The following GPT2 variants were observed in gnomAD, a reference collection of about 807,000 sequenced individuals.
GPT2 encodes the protein alanine aminotransferase 2.
Under a neutral mutation model 56.9 loss-of-function variants are expected in GPT2, and 30 were observed. That is an observed-to-expected ratio of 0.53 (90% CI 0.39 to 0.72). The LOEUF (loss-of-function observed/expected upper bound fraction) is 0.72. Ranked by LOEUF, GPT2 falls within the 30% of genes least tolerant of loss-of-function variation. The pLI, the probability that GPT2 is intolerant of heterozygous loss-of-function variation, is 0.00. For synonymous variants in GPT2, 271 were observed against 283.1 expected (o/e 0.96, Z 0.43); for missense variants, 542 against 703.4 (o/e 0.77, Z 2.60).
chr16:46,910,464 A>G (rs1490975999), intron 6 of GPT2, among the ~76,000 whole-genome samples: 3 of 151,092 alleles, frequency 2.0e-5, no homozygotes, highest in Admixed American at 6.6e-5. Context: ...CTGAGGTGGA[A>G]GGATCGCTTG....
chr16:46,914,735 G>C (rs1961108786), intron 6 of GPT2, among the ~76,000 whole-genome samples: 1 of 152,162 alleles, frequency 6.6e-6, no homozygotes, highest in South Asian at 2.1e-4. Flanking sequence ...GGCAGACGAT[G>C]AGCGGGGAGA....
Position 46,909,719 on chromosome 16 carries a change from G to A in GPT2, c.612G>A (p.Lys204=). The A allele has an allele frequency of 6.2e-7, 1 of 1,614,156 alleles. No individual in the cohort carries two copies. Among genetic ancestry groups the A allele is most frequent in the South Asian group, 1.1e-5 (1 of 91,082 alleles). The change falls in exon 6 of 12, where the codon AAG becomes AAA. Residue 204 remains lysine, a synonymous_variant. Coordinates refer to ENST00000340124, the MANE Select transcript of GPT2 (RefSeq NM_133443.4). ...AGATCCTCGTCTCCGGGGGCGGCAAGTCACGGACAGGTGTGATGATCCCCA... is the reference window on the plus strand; with the variant it reads ...AGATCCTCGTCTCCGGGGGCGGCAAATCACGGACAGGTGTGATGATCCCCA... ...ILKILVSGGG[K]SRTGVMIPIP...
At chr16:46,885,386 G>A (rs539224085) in intron 2 of GPT2, 2 of 788,000 alleles carry the variant, frequency 2.5e-6, no homozygotes, top group African/African-American at 3.8e-5. Flanking sequence ...ATTTTAGGTA[G>A]GAGGGGAGAC....
rs980421791 is a variant in GPT2, at chr16:46,929,086, C to T, written c.*89C>T. On this transcript the variant is annotated 3_prime_UTR_variant, in exon 12 of 12. Transcript: ENST00000340124. Reference sequence around the variant, plus strand: ...ACTCGCCTCCCCCGTGACTCTGCCTCGGGCCTCGCAGAGGCCGCTGGTCAC... The same window carrying T: ...ACTCGCCTCCCCCGTGACTCTGCCTTGGGCCTCGCAGAGGCCGCTGGTCAC... 7.8e-6 allele frequency: 8 copies of T among 1,022,024 alleles called. No homozygotes were observed. The highest frequency in any genetic ancestry group is 3.2e-5 in the African/African-American group (2 of 63,392). 63.3% of individuals were successfully genotyped at this position (1,022,024 alleles called of 1,614,324 possible).
At chr16:46,899,451 G>A (rs1299962312) in intron 3 of GPT2, among the ~76,000 whole-genome samples, 1 of 152,158 alleles carries the variant, frequency 6.6e-6, no homozygotes, top group Admixed American at 6.5e-5. Context: ...GGGAGGGGCT[G>A]GGAGGGCTCA....
chr16:46,916,649 G>A lies in GPT2; in HGVS notation c.842G>A (p.Cys281Tyr), dbSNP rs1275063087. The change falls in exon 7 of 12, where the codon TGC becomes TAC. Residue 281 changes from cysteine (C) to tyrosine (Y), a missense_variant. Physicochemically the swap from Cys to Tyr is radical, Grantham distance 194 (BLOSUM62 -2). Coordinates refer to ENST00000340124, the MANE Select transcript of GPT2 (RefSeq NM_133443.4). ...ATAGGCCAGGTACAAAGCAGAAAGT[G>A]CATAGAAGATGTGATCCACTTTGCC... The part of the protein sequence containing the change: ...NPTGQVQSRK[C>Y]IEDVIHFAWE... 1 of 1,613,912 alleles carries A rather than the reference G, an allele frequency of 6.2e-7. No individual in the cohort carries two copies.
intron 5 of GPT2, 61 bp downstream of exon 5, chr16:46,907,036 T>G: frequency 1.2e-6 from 2 of 1,604,850 alleles, no homozygotes; most frequent in Admixed American, 3.3e-5. Context: ...CAGCCTTGCC[T>G]GTTAGGGCCC....
Position 46,930,491 on chromosome 16 carries a change from CTG to C in GPT2, c.*1496_*1497del, listed in dbSNP as rs1961522565. The C allele has an allele frequency of 6.6e-6, 1 of 152,242 alleles. No individual in the cohort carries two copies. The highest frequency in any genetic ancestry group is 1.9e-4 in the East Asian group (1 of 5,196). The allele number at this position is 152,242 out of a possible 1,614,324, so 9.4% of individuals were successfully genotyped here. On this transcript the variant is annotated 3_prime_UTR_variant, in exon 12 of 12. Coordinates refer to ENST00000340124, the MANE Select transcript of GPT2 (RefSeq NM_133443.4). ...GTGCAGAGGAAACAGAAACTCCCAA[CTG>C]TCCTTACCCACCGACATCACAGCCC... is the stretch of plus-strand genomic sequence containing the variant.
intron 7 of GPT2, among the ~76,000 whole-genome samples, chr16:46,917,247 AG>A (rs1160542473): frequency 6.6e-6 from 1 of 152,170 alleles, no homozygotes; most frequent in Admixed American, 6.6e-5. Flanking sequence ...CCCAGAGCAT[AG>A]GGTGGGCCCT....
intron 5 of GPT2, among the ~76,000 whole-genome samples, chr16:46,908,610 G>A (rs1407516846): frequency 6.6e-6 from 1 of 152,142 alleles, no homozygotes; most frequent in Non-Finnish European, 1.5e-5. Context: ...GAGCCCATGG[G>A]AAATGGAGGC....
In GPT2 at chr16:46,929,071, C is replaced by T; in HGVS notation, c.*74C>T. On this transcript the variant is annotated 3_prime_UTR_variant, in exon 12 of 12. Coordinates refer to ENST00000340124, the MANE Select transcript of GPT2 (RefSeq NM_133443.4). ...TGCCCGTCAGGCTGAACTCGCCTCC[C>T]CCGTGACTCTGCCTCGGGCCTCGCA... is the stretch of plus-strand genomic sequence containing the variant. The T allele has an allele frequency of 8.4e-7, 1 of 1,196,148 alleles. No homozygotes were observed. The highest frequency in any genetic ancestry group is 1.2e-6 in the Non-Finnish European group (1 of 803,514). The allele number at this position is 1,196,148 out of a possible 1,614,324, so 74.1% of individuals were successfully genotyped here.
At chr16:46,894,473 G>A (rs1960645568) in intron 2 of GPT2, among the ~76,000 whole-genome samples, 1 of 152,198 alleles carries the variant, frequency 6.6e-6, no homozygotes, top group African/African-American at 2.4e-5. Flanking sequence ...CAGTGGATCG[G>A]GCCCGTCCCT....
At chr16:46,910,037 C>T (rs1961015837) in intron 6 of GPT2, 110 bp downstream of exon 6, 3 of 1,389,948 alleles carry the variant, frequency 2.2e-6, no homozygotes, top group Admixed American at 2.5e-5. Context: ...CCCTAGTTTC[C>T]CTTCCAGATT....
Position 46,884,783 on chromosome 16 carries a change from GC to G in GPT2, c.70del (p.Gln24ArgfsTer30). 1 of 1,519,642 alleles carries G rather than the reference GC, an allele frequency of 6.6e-7. No individual in the cohort carries two copies. Among genetic ancestry groups the G allele is most frequent in the Non-Finnish European group, 8.8e-7 (1 of 1,134,636 alleles). 94.1% of individuals were successfully genotyped at this position (1,519,642 alleles called of 1,614,324 possible). ...CGGACCCCCAGCTCCTGGGGCCGCA[GC>G]CAGAGCAGCGCGGCCGCCGAGGCCT... ...GPRTPSSWGR[S>X]QSSAAAEASA... On this transcript the variant is annotated frameshift_variant, in exon 2 of 12. Transcript: ENST00000340124. LOFTEE classifies it high-confidence loss of function.
chr16:46,908,232 C>A (rs4966713), intron 5 of GPT2, among the ~76,000 whole-genome samples: 12,525 of 130,796 alleles, frequency 0.096, 775 homozygotes, highest in Non-Finnish European at 0.14. Context: ...ACAGTCCTTG[C>A]GGGGGACTGG....
At position 46,884,436 on chromosome 16, in the gene GPT2, C is replaced by A; in HGVS notation, c.-54C>A. On this transcript the variant is annotated 5_prime_UTR_variant, in exon 1 of 12. Transcript: ENST00000340124. ...AGCTGCTCCAGGCGCGCGAGCTAAC[C>A]GAGTGCGGCGAGGGCCTACCAGGGG... The A allele has an allele frequency of 3.5e-6, 1 of 288,410 alleles. No homozygotes were observed. Among genetic ancestry groups the A allele is most frequent in the South Asian group, 1.5e-4 (1 of 6,616 alleles). 17.9% of individuals were successfully genotyped at this position (288,410 alleles called of 1,614,324 possible). A position where few individuals can be genotyped will look rare whatever the true frequency, so the allele number is the denominator to read the frequency against.
chr16:46,924,384 A>T lies in GPT2; in HGVS notation c.1213-5A>T. On this transcript the variant is annotated splice_polypyrimidine_tract_variant and splice_region_variant and intron_variant, in intron 9 of 11. Coordinates refer to ENST00000340124, the MANE Select transcript of GPT2 (RefSeq NM_133443.4). Reference sequence around the variant, plus strand: ...GACTGCTGTGCTGTTTCCATCTCTCATCAGGAGAAGGAGTCGGTCCTGGGT... The same window carrying T: ...GACTGCTGTGCTGTTTCCATCTCTCTTCAGGAGAAGGAGTCGGTCCTGGGT... 1.2e-6 allele frequency: 2 copies of T among 1,613,630 alleles called. No homozygotes were observed. Among genetic ancestry groups the T allele is most frequent in the Non-Finnish European group, 1.7e-6 (2 of 1,179,520 alleles).
At chr16:46,902,635 AT>A (rs1174952625) in intron 4 of GPT2, among the ~76,000 whole-genome samples, 2 of 151,916 alleles carry the variant, frequency 1.3e-5, no homozygotes, top group Non-Finnish European at 1.5e-5. Context: ...GATTTTATTT[AT>A]TTTTTTGAAA....
At chr16:46,899,015 ATATATATAT>A (rs1960758775) in intron 3 of GPT2, among the ~76,000 whole-genome samples, 1 of 2,824 alleles carries the variant, frequency 3.5e-4, no homozygotes, top group African/African-American at 6.8e-4. Flanking sequence ...ATATATATAT[ATATATATAT>A]ATATATATAT....
Sources: gnomAD v4.1 joint callset for allele counts (sites outside exome capture counted in the v4.1 genomes callset) on GRCh38, gnomAD v4.1.1 for gene constraint, MANE v1.5 for transcripts, NCBI Gene and HGNC (gene_info 2026-07-23, HGNC 2026-07-21) for gene names.